COL9A1: variants seen among roughly 807,000 people sequenced by gnomAD.
The protein encoded by COL9A1 is collagen type IX alpha 1 chain.
Under a neutral mutation model 142.6 loss-of-function variants are expected in COL9A1, and 104 were observed. That is an observed-to-expected ratio of 0.73 (90% CI 0.62 to 0.86). The LOEUF (loss-of-function observed/expected upper bound fraction) is 0.86. COL9A1 is among the 40% of genes least tolerant of loss of function. The pLI, the probability that COL9A1 is intolerant of heterozygous loss-of-function variation, is 0.00. For missense variants in COL9A1, 1,210 were observed against 1,176.6 expected, an observed-to-expected ratio of 1.03 and a Z score of -0.42; for synonymous variants, 466 against 396.0, an observed-to-expected ratio of 1.18 and a Z score of -2.10.
intron 21 of COL9A1, among the ~76,000 whole-genome samples, chr6:70,256,281 T>C (rs1439714922): frequency 1.3e-5 from 2 of 152,268 alleles, no homozygotes; most frequent in South Asian, 2.1e-4. Flanking sequence ...ATCTTTCTTA[T>C]ATCTTTTCTA....
intron 21 of COL9A1, among the ~76,000 whole-genome samples, chr6:70,255,886 T>C (rs1206338659): frequency 6.6e-6 from 1 of 152,240 alleles, no homozygotes; most frequent in Non-Finnish European, 1.5e-5. Context: ...TCCTAAAATA[T>C]AGCTTTTGTT....
At chr6:70,280,791 T>C (rs1773104869) in intron 10 of COL9A1, 21 bp downstream of exon 10, 2 of 1,607,138 alleles carry the variant, frequency 1.2e-6, no homozygotes, top group African/African-American at 2.7e-5. Flanking sequence ...CTGGGCGCCC[T>C]CCCAGCACTC....
intron 4 of COL9A1, among the ~76,000 whole-genome samples, chr6:70,299,531 A>G (rs1412005524): frequency 6.6e-6 from 1 of 152,186 alleles, no homozygotes; most frequent in Non-Finnish European, 1.5e-5. Context: ...AGTGAAGTGG[A>G]GGATTTGATG....
In COL9A1 at chr6:70,282,901, G is replaced by T; in HGVS notation, c.798C>A (p.Asp266Glu). 1 of 1,614,180 alleles carries T rather than the reference G, an allele frequency of 6.2e-7. No individual in the cohort carries two copies. The highest frequency in any genetic ancestry group is 8.5e-7 in the Non-Finnish European group (1 of 1,180,044). Reference sequence around the variant, plus strand: ...ACACTCCCTGCCCCCAACTTACCTCGTCGGTGGTCTGGCTGGGCTGGAGAA... The same window carrying T: ...ACACTCCCTGCCCCCAACTTACCTCTTCGGTGGTCTGGCTGGGCTGGAGAA... Reference protein sequence around the residue: ...PARITPSQTTDERGPPGEQGP... With the variant: ...PARITPSQTTEERGPPGEQGP... Residue 266 changes from aspartate (D) to glutamate (E), a missense_variant, in exon 7 of 38, where the codon GAC (aspartate) becomes GAA (glutamate). Asp to Glu is a conservative substitution (Grantham distance 45, BLOSUM62 2). Transcript: ENST00000357250.
At chr6:70,231,690 T>C (rs1249617622) in intron 36 of COL9A1, among the ~76,000 whole-genome samples, 1 of 150,200 alleles carries the variant, frequency 6.7e-6, no homozygotes, top group Non-Finnish European at 1.5e-5. Flanking sequence ...ACAGTATTTA[T>C]CCCTAATTGG....
In COL9A1 at chr6:70,290,745, CT is replaced by C. The variant is rs1773628947; in HGVS notation, c.696+3421del. On this transcript the variant is annotated intron_variant, in intron 5 of 37. Coordinates refer to ENST00000357250, the MANE Select transcript of COL9A1 (RefSeq NM_001851.6). Reference sequence around the variant, plus strand: ...TAATCCCTTTAGAAGGGATATTTTGCTTTTGATTTATTTACTAAAGAAAAGC... The same window carrying C: ...TAATCCCTTTAGAAGGGATATTTTGCTTTGATTTATTTACTAAAGAAAAGC... 2.6e-5 allele frequency among the ~76,000 whole-genome samples: 4 copies of C among 151,974 alleles called. No homozygotes were observed. The South Asian group carries it at 8.3e-4, about 32-fold the overall frequency.
chr6:70,301,100 A>G (rs1018644891), intron 2 of COL9A1, among the ~76,000 whole-genome samples: 1 of 152,190 alleles, frequency 6.6e-6, no homozygotes, highest in African/African-American at 2.4e-5. Context: ...GAAGGATTAA[A>G]TCCTCAATTT....
At chr6:70,242,441 A>C (rs1209294078) in intron 29 of COL9A1, among the ~76,000 whole-genome samples, 1 of 152,218 alleles carries the variant, frequency 6.6e-6, no homozygotes, top group East Asian at 1.9e-4. Flanking sequence ...TTCACATTTC[A>C]CCAGGTTTAA....
At chr6:70,271,543 CT>C in intron 14 of COL9A1, 111 bp downstream of exon 14, 1 of 825,108 alleles carries the variant, frequency 1.2e-6, no homozygotes, top group Non-Finnish European at 2.1e-6. Flanking sequence ...TGAAATTCAT[CT>C]GCCATGTTTT....
At chr6:70,288,322 A>C (rs1773531441) in intron 5 of COL9A1, among the ~76,000 whole-genome samples, 1 of 152,060 alleles carries the variant, frequency 6.6e-6, no homozygotes, top group African/African-American at 2.4e-5. Flanking sequence ...CATCACCTCC[A>C]CCACTACCAC....
At chr6:70,250,893 T>C (rs958556412) in intron 28 of COL9A1, among the ~76,000 whole-genome samples, 1 of 152,194 alleles carries the variant, frequency 6.6e-6, no homozygotes, top group African/African-American at 2.4e-5. Context: ...TGCTATAAAA[T>C]AGACAAGTTT....
At chr6:70,301,892 G>A in intron 2 of COL9A1, 109 bp downstream of exon 2, 1 of 856,496 alleles carries the variant, frequency 1.2e-6, no homozygotes, top group South Asian at 1.4e-5. Context: ...TGAAGAGTGA[G>A]GGTGTGAAGG....
chr6:70,274,108 A>G (rs1772586905), intron 11 of COL9A1, 26 bp from the exon 12 acceptor site: 1 of 1,573,606 alleles, frequency 6.4e-7, no homozygotes, highest in South Asian at 1.2e-5. Flanking sequence ...GTTTCATTGT[A>G]CTGACCTTTC....
intron 37 of COL9A1, among the ~76,000 whole-genome samples, chr6:70,223,315 A>C (rs1562285364): frequency 2.0e-5 from 3 of 152,222 alleles, no homozygotes; most frequent in Non-Finnish European, 2.9e-5. Context: ...AACTGTCTTA[A>C]GCAATTTACA....
At chr6:70,296,574 A>G (rs887753017) in intron 4 of COL9A1, among the ~76,000 whole-genome samples, 5 of 152,142 alleles carry the variant, frequency 3.3e-5, no homozygotes, top group Admixed American at 1.3e-4. Context: ...TCAGAATTAT[A>G]TCTATTCTGG....
chr6:70,242,265 C>T, intron 29 of COL9A1: 1 of 598,006 alleles, frequency 1.7e-6, no homozygotes, highest in Non-Finnish European at 3.0e-6. Flanking sequence ...CCTTGCACTC[C>T]TTGGCAACAG....
Position 70,281,026 on chromosome 6 carries a change from G to C in COL9A1, c.890C>G (p.Pro297Arg), listed in dbSNP as rs746311583. 6.2e-7 allele frequency: 1 copy of C among 1,612,796 alleles called. No homozygotes were observed. The change falls in exon 9 of 38, where the codon CCT becomes CGT. Residue 297 changes from proline (P) to arginine (R), a missense_variant. Physicochemically the swap from Pro to Arg is moderately radical, Grantham distance 103 (BLOSUM62 -2). Transcript: ENST00000357250. The part of the protein sequence containing the change: ...GIDGIDGDRG[P>R]KGPPGPPGPA... ...TACCGGGGGGCCCGGGGGGCCCTTA[G>C]GACCTCGGTCACCCTGGAGGGGTAG...
chr6:70,239,219 A>T, intron 33 of COL9A1, 35 bp downstream of exon 33: 2 of 1,369,936 alleles, frequency 1.5e-6, no homozygotes, highest in Non-Finnish European at 1.0e-6. Context: ...TAATGTTTTT[A>T]ATTTTTTTAT....
At chr6:70,275,641 T>C (rs1052960478) in intron 10 of COL9A1, among the ~76,000 whole-genome samples, 2 of 152,128 alleles carry the variant, frequency 1.3e-5, no homozygotes, top group African/African-American at 4.8e-5. Context: ...TTTCCATATT[T>C]GGTAAAGATA....
Sources: allele counts gnomAD v4.1 joint callset (sites outside exome capture counted in the v4.1 genomes callset), GRCh38; gene constraint gnomAD v4.1.1; transcripts MANE v1.5; gene names NCBI Gene and HGNC (gene_info 2026-07-23, HGNC 2026-07-21).